The following PDSS2 variants were observed in gnomAD, a reference collection of about 807,000 sequenced individuals.
PDSS2 encodes the protein decaprenyl diphosphate synthase subunit 2.
A neutral mutation model predicts 44.5 loss-of-function variants in PDSS2; 31 were observed. That is an observed-to-expected ratio of 0.70 (90% CI 0.52 to 0.94). The LOEUF (loss-of-function observed/expected upper bound fraction) is 0.94, where lower values mean the gene tolerates loss of function less well. Among genes scored for constraint, PDSS2 ranks in the 40% least tolerant of loss-of-function variants. The pLI is 0.00. For synonymous variants in PDSS2, 157 were observed against 180.3 expected, an observed-to-expected ratio of 0.87 and a Z score of 1.03; for missense variants, 452 against 482.2, an observed-to-expected ratio of 0.94 and a Z score of 0.59.
intron 1 of PDSS2, among the ~76,000 whole-genome samples, chr6:107,344,086 G>C (rs1400513564): frequency 6.6e-6 from 1 of 152,126 alleles, no homozygotes; most frequent in Non-Finnish European, 1.5e-5. Flanking sequence ...ATGAACTCCA[G>C]AGCCCTATGG....
chr6:107,403,971 C>T (rs1780227693), intron 1 of PDSS2, among the ~76,000 whole-genome samples: 2 of 152,180 alleles, frequency 1.3e-5, no homozygotes, highest in Admixed American at 6.5e-5. Flanking sequence ...TGAATTTCTC[C>T]CCAGAACATG....
At chr6:107,248,490 G>C (rs1184317750) in intron 3 of PDSS2, among the ~76,000 whole-genome samples, 1 of 143,618 alleles carries the variant, frequency 7.0e-6, no homozygotes, top group African/African-American at 2.6e-5. Context: ...AGTTACCCTT[G>C]GAAGCTCAAC....
At chr6:107,232,525 A>G (rs752085079) in intron 4 of PDSS2, among the ~76,000 whole-genome samples, 5 of 152,186 alleles carry the variant, frequency 3.3e-5, no homozygotes, top group African/African-American at 4.8e-5. Context: ...CAGGCCTTCC[A>G]TGAACATCCA....
chr6:107,435,150 A>C (rs552688630), intron 1 of PDSS2, among the ~76,000 whole-genome samples: 1 of 152,090 alleles, frequency 6.6e-6, no homozygotes, highest in South Asian at 2.1e-4. Flanking sequence ...GTGGTGTTAC[A>C]CATCTGTAGT....
At chr6:107,276,307 T>G (rs1775782654) in intron 2 of PDSS2, among the ~76,000 whole-genome samples, 1 of 152,122 alleles carries the variant, frequency 6.6e-6, no homozygotes, top group South Asian at 2.1e-4. Context: ...TGCTACAGAC[T>G]AGTGACTGCT....
intron 1 of PDSS2, among the ~76,000 whole-genome samples, chr6:107,379,803 T>G (rs1157535198): frequency 1.3e-5 from 2 of 152,134 alleles, no homozygotes; most frequent in Non-Finnish European, 2.9e-5. Context: ...AGCATGAAAT[T>G]TATTTTACTG....
At chr6:107,258,939 A>G (rs1219136796) in intron 3 of PDSS2, among the ~76,000 whole-genome samples, 2 of 152,220 alleles carry the variant, frequency 1.3e-5, no homozygotes, top group Non-Finnish European at 2.9e-5. Context: ...AAAATGTATC[A>G]TGGTTCTTTG....
intron 1 of PDSS2, among the ~76,000 whole-genome samples, chr6:107,369,332 T>C (rs1779060392): frequency 6.6e-6 from 1 of 152,060 alleles, no homozygotes; most frequent in Non-Finnish European, 1.5e-5. Flanking sequence ...GCAGGGGAAT[T>C]GCTTGAACCC....
intron 2 of PDSS2, among the ~76,000 whole-genome samples, chr6:107,292,361 CTTGAT>C (rs1027370026): frequency 6.6e-6 from 1 of 152,144 alleles, no homozygotes; most frequent in Non-Finnish European, 1.5e-5. Context: ...TTCCTCCCCT[CTTGAT>C]TTATTTCCAA....
At chr6:107,432,789 C>T (rs1781233274) in intron 1 of PDSS2, among the ~76,000 whole-genome samples, 1 of 151,778 alleles carries the variant, frequency 6.6e-6, no homozygotes, top group South Asian at 2.1e-4. Flanking sequence ...CAAAAAAAAT[C>T]CTCTCTTCTA....
intron 2 of PDSS2, 126 bp from the exon 3 acceptor site, chr6:107,274,353 T>C: frequency 1.3e-6 from 1 of 744,710 alleles, no homozygotes; most frequent in Non-Finnish European, 2.3e-6. Context: ...GGATTATATC[T>C]TTCTAATGAA....
intron 3 of PDSS2, among the ~76,000 whole-genome samples, chr6:107,246,409 G>C (rs1355287219): frequency 6.6e-6 from 1 of 152,136 alleles, no homozygotes; most frequent in Non-Finnish European, 1.5e-5. Context: ...TTTCAAATAA[G>C]AATTCCTCAA....
Position 107,341,530 on chromosome 6 carries a change from T to C in PDSS2, c.297-7198A>G, listed in dbSNP as rs72939860. On this transcript the variant is annotated intron_variant, in intron 1 of 7. Coordinates refer to ENST00000369037, the MANE Select transcript of PDSS2 (RefSeq NM_020381.4). ...CTGTAGGAACTGACAGATGAGCTTT[T>C]AGGTGAGAGAGAAAAGAAAAGAAGA... Among the ~76,000 whole-genome samples, 1,160 of 152,124 alleles carry C rather than the reference T, an allele frequency of 7.6e-3. 9 individuals carry two copies. The highest frequency in any genetic ancestry group is 0.051 in the Middle Eastern group (15 of 294).
chr6:107,349,613 G>A (rs1361273011), intron 1 of PDSS2, among the ~76,000 whole-genome samples: 1 of 151,874 alleles, frequency 6.6e-6, no homozygotes. Flanking sequence ...GCTGGGCCTG[G>A]TGGCAGACAC....
chr6:107,363,378 GAT>G (rs1778843833), intron 1 of PDSS2, among the ~76,000 whole-genome samples: 3 of 152,304 alleles, frequency 2.0e-5, no homozygotes, highest in East Asian at 3.9e-4. Flanking sequence ...CTGATGTTCA[GAT>G]GTGTTTGGAA....
At chr6:107,165,907 A>G (rs1345107207) in intron 7 of PDSS2, among the ~76,000 whole-genome samples, 1 of 151,638 alleles carries the variant, frequency 6.6e-6, no homozygotes, top group Non-Finnish European at 1.5e-5. Flanking sequence ...ATTCCTAGGT[A>G]TTTTATTCTC....
chr6:107,172,315 G>T (rs556932648), intron 7 of PDSS2, among the ~76,000 whole-genome samples: 4 of 152,294 alleles, frequency 2.6e-5, no homozygotes, highest in African/African-American at 9.6e-5. Flanking sequence ...TAAAGAGAAG[G>T]CCCCGGCATG....
intron 7 of PDSS2, among the ~76,000 whole-genome samples, chr6:107,187,540 C>T (rs978096126): frequency 7.9e-5 from 12 of 152,190 alleles, no homozygotes; most frequent in African/African-American, 2.9e-4. Flanking sequence ...TGGCGCATGC[C>T]TATAATCCCA....
intron 1 of PDSS2, among the ~76,000 whole-genome samples, chr6:107,408,699 A>T (rs1380467879): frequency 6.6e-6 from 1 of 152,206 alleles, no homozygotes; most frequent in African/African-American, 2.4e-5. Flanking sequence ...CTGTCAATTG[A>T]TGCCATGTGG....
Sources: gnomAD v4.1 joint callset for allele counts (sites outside exome capture counted in the v4.1 genomes callset) on GRCh38, gnomAD v4.1.1 for gene constraint, MANE v1.5 for transcripts, NCBI Gene and HGNC (gene_info 2026-07-23, HGNC 2026-07-21) for gene names.